Variants in EIF2AK2 observed in about 807,000 individuals in gnomAD.
EIF2AK2 encodes interferon-induced, double-stranded RNA-activated protein kinase.
EIF2AK2 carries 40 observed loss-of-function variants against 70.5 expected under a neutral mutation model. The observed-to-expected ratio is 0.57, with a 90% CI of 0.44 to 0.74. The LOEUF (loss-of-function observed/expected upper bound fraction) is 0.74. Among genes scored for constraint, EIF2AK2 ranks in the 30% least tolerant of loss-of-function variants. The pLI, the probability that EIF2AK2 is intolerant of heterozygous loss-of-function variation, is 0.00. For missense variants in EIF2AK2, 555 were observed against 644.3 expected (o/e 0.86, Z 1.50); for synonymous variants, 198 against 220.9 (o/e 0.90, Z 0.92).
intron 13 of EIF2AK2, among the ~76,000 whole-genome samples, chr2:37,117,963 A>C (rs147631008): frequency 6.6e-6 from 1 of 152,178 alleles, no homozygotes; most frequent in African/African-American, 2.4e-5. Context: ...GAAATCAACA[A>C]CTGTAGTAGT....
chr2:37,134,969 G>A (rs1163789498), intron 10 of EIF2AK2, among the ~76,000 whole-genome samples: 3 of 152,174 alleles, frequency 2.0e-5, no homozygotes, highest in African/African-American at 7.2e-5. Context: ...CTTGGATTGG[G>A]AGCAGGCAGA....
intron 12 of EIF2AK2, 93 bp downstream of exon 12, chr2:37,122,413 G>A (rs529990277): frequency 7.2e-5 from 93 of 1,286,096 alleles, no homozygotes; most frequent in Admixed American, 1.7e-4. Context: ...ATAATTAATC[G>A]TGATGATTAA....
Position 37,106,772 on chromosome 2 carries a change from G to C in EIF2AK2, c.*501C>G, listed in dbSNP as rs773547953. 1 of 152,300 alleles carries C rather than the reference G, an allele frequency of 6.6e-6. No individual in the cohort carries two copies. Among genetic ancestry groups the C allele is most frequent in the Non-Finnish European group, 1.5e-5 (1 of 68,254 alleles). 9.4% of individuals were successfully genotyped at this position (152,300 alleles called of 1,614,324 possible). On this transcript the variant is annotated 3_prime_UTR_variant, in exon 17 of 17. Coordinates refer to ENST00000233057, the MANE Select transcript of EIF2AK2 (RefSeq NM_001135651.3). Reference sequence around the variant, plus strand: ...AGAACAAAGAGATGAGGCTGGGCGCGGTGGCTCATCCCTGTAATCCCAGCA... The same window carrying C: ...AGAACAAAGAGATGAGGCTGGGCGCCGTGGCTCATCCCTGTAATCCCAGCA...
At position 37,107,103 on chromosome 2, in the gene EIF2AK2, A is replaced by G. The variant is rs1673988592; in HGVS notation, c.*170T>C. 1 of 830,104 alleles carries G rather than the reference A, an allele frequency of 1.2e-6. No homozygotes were observed. The highest frequency in any genetic ancestry group is 3.1e-5 in the East Asian group (1 of 32,482). 51.4% of individuals were successfully genotyped at this position (830,104 alleles called of 1,614,324 possible). A position where few individuals can be genotyped will look rare whatever the true frequency, so the allele number is the denominator to read the frequency against. On this transcript the variant is annotated 3_prime_UTR_variant, in exon 17 of 17. Transcript: ENST00000233057. ...AAAGTAAAATGTAAGAATGTTTTTG[A>G]AGCAAAAAGAAGAAAACCTTTCTGT...
rs1342269502 is a variant in EIF2AK2 at position 37,136,973 on chromosome 2, T to A, written c.722+10A>T. ...AGATCAAAATATGTTCAATGCATAATGATACTCACCTTTTTGCCTTCCTTT... is the reference window on the plus strand; with the variant it reads ...AGATCAAAATATGTTCAATGCATAAAGATACTCACCTTTTTGCCTTCCTTT... On this transcript the variant is annotated intron_variant, in intron 9 of 16. Coordinates refer to ENST00000233057, the MANE Select transcript of EIF2AK2 (RefSeq NM_001135651.3). The A allele has an allele frequency of 1.2e-6, 2 of 1,600,784 alleles. No individual in the cohort carries two copies. Among genetic ancestry groups the A allele is most frequent in the East Asian group, 4.5e-5 (2 of 44,480 alleles).
At chr2:37,137,136 G>T in intron 8 of EIF2AK2, 119 bp from the exon 9 acceptor site, 1 of 729,214 alleles carries the variant, frequency 1.4e-6, no homozygotes, top group Non-Finnish European at 2.2e-6. Flanking sequence ...GTCCATCAAT[G>T]TCTGTACTCT....
intron 14 of EIF2AK2, among the ~76,000 whole-genome samples, chr2:37,113,456 C>T (rs1232160430): frequency 7.0e-6 from 1 of 142,944 alleles, no homozygotes; most frequent in Non-Finnish European, 1.5e-5. Context: ...TGAGATCATG[C>T]CATTGCACTC....
chr2:37,141,752 C>A (rs374716225), intron 4 of EIF2AK2, 51 bp from the exon 5 acceptor site: 1 of 1,508,312 alleles, frequency 6.6e-7, no homozygotes, highest in South Asian at 1.3e-5. Flanking sequence ...AAAGATTTAA[C>A]CTTTTAAAAA....
chr2:37,142,069 T>C (rs1036472619), intron 4 of EIF2AK2, among the ~76,000 whole-genome samples: 9 of 152,210 alleles, frequency 5.9e-5, no homozygotes, highest in African/African-American at 2.2e-4. Flanking sequence ...TAGCATCATT[T>C]CTACTATTAT....
chr2:37,114,516 G>T (rs967562491), intron 14 of EIF2AK2, among the ~76,000 whole-genome samples: 1 of 151,722 alleles, frequency 6.6e-6, no homozygotes, highest in Non-Finnish European at 1.5e-5. Flanking sequence ...AAAAAATCTG[G>T]GTGTATATTT....
intron 14 of EIF2AK2, among the ~76,000 whole-genome samples, chr2:37,113,827 T>G (rs936504610): frequency 6.6e-6 from 1 of 152,236 alleles, no homozygotes; most frequent in Non-Finnish European, 1.5e-5. Flanking sequence ...GAGAGTATGA[T>G]GATGCAGTAT....
intron 13 of EIF2AK2, among the ~76,000 whole-genome samples, chr2:37,118,006 G>C (rs1254350872): frequency 1.3e-5 from 2 of 152,100 alleles, no homozygotes; most frequent in African/African-American, 4.8e-5. Flanking sequence ...GATGAAAGAA[G>C]TCTCAGTATC....
intron 9 of EIF2AK2, chr2:37,136,593 C>T (rs2148698232): frequency 6.4e-6 from 1 of 156,014 alleles, no homozygotes; most frequent in South Asian, 1.9e-4. Flanking sequence ...TTGCCTTTCT[C>T]TTCAGTTAAT....
intron 1 of EIF2AK2, among the ~76,000 whole-genome samples, 171 bp downstream of exon 1, chr2:37,156,737 G>C (rs1299286651): frequency 6.6e-6 from 1 of 152,186 alleles, no homozygotes; most frequent in Non-Finnish European, 1.5e-5. Context: ...ACCTGGGCCT[G>C]CTCTCCCAGT....
chr2:37,109,155 A>G, intron 15 of EIF2AK2, 39 bp downstream of exon 15: 1 of 1,595,900 alleles, frequency 6.3e-7, no homozygotes, highest in Non-Finnish European at 8.6e-7. Flanking sequence ...GGTAGTCAGT[A>G]ATTTTTCTTG....
At chr2:37,116,561 A>C (rs1479203041) in intron 13 of EIF2AK2, among the ~76,000 whole-genome samples, 1 of 152,244 alleles carries the variant, frequency 6.6e-6, no homozygotes, top group East Asian at 1.9e-4. Context: ...AGAGACCATA[A>C]GCCCAGGGAA....
At chr2:37,145,485 A>G (rs1675500101) in intron 4 of EIF2AK2, among the ~76,000 whole-genome samples, 1 of 152,122 alleles carries the variant, frequency 6.6e-6, no homozygotes, top group African/African-American at 2.4e-5. Flanking sequence ...AAGAGTGAAA[A>G]TGTTAAAAAT....
At chr2:37,112,655 G>C (rs1674199476) in intron 14 of EIF2AK2, among the ~76,000 whole-genome samples, 1 of 152,104 alleles carries the variant, frequency 6.6e-6, no homozygotes, top group Non-Finnish European at 1.5e-5. Flanking sequence ...ATATTAAAGA[G>C]AGAAATATAA....
At chr2:37,137,104 T>C (rs1675155188) in intron 8 of EIF2AK2, 87 bp from the exon 9 acceptor site, 18 of 1,161,520 alleles carry the variant, frequency 1.5e-5, no homozygotes, top group Middle Eastern at 4.0e-4. Context: ...TATATCTAGA[T>C]GGCTCTCTGA....
Sources: gnomAD v4.1 joint callset for allele counts (sites outside exome capture counted in the v4.1 genomes callset) on GRCh38, gnomAD v4.1.1 for gene constraint, MANE v1.5 for transcripts, NCBI Gene and HGNC (gene_info 2026-07-23, HGNC 2026-07-21) for gene names.